ARHGAP26: variants seen among roughly 807,000 people sequenced by gnomAD.
ARHGAP26 encodes the protein rho GTPase-activating protein 26.
Under a neutral mutation model 104.8 loss-of-function variants are expected in ARHGAP26, and 38 were observed. The ratio of observed to expected loss-of-function variants is 0.36; its 90% CI spans 0.28 to 0.48. ARHGAP26 has a LOEUF of 0.48. ARHGAP26 is among the 20% of genes least tolerant of loss of function. The probability of loss-of-function intolerance (pLI) is 0.99; values close to 1 mark genes in which losing one functional copy is unlikely to be tolerated. For synonymous variants in ARHGAP26, 341 were observed against 340.0 expected, an observed-to-expected ratio of 1.00 and a Z score of -0.03; for missense variants, 704 against 947.9, an observed-to-expected ratio of 0.74 and a Z score of 3.38.
chr5:142,800,941 A>C (rs1378618885), intron 1 of ARHGAP26, among the ~76,000 whole-genome samples: 2 of 152,136 alleles, frequency 1.3e-5, no homozygotes, highest in East Asian at 3.9e-4. Flanking sequence ...AAACCTCCAC[A>C]TTGTATGACT....
chr5:142,986,720 T>C (rs1774793518), intron 11 of ARHGAP26, among the ~76,000 whole-genome samples: 3 of 152,234 alleles, frequency 2.0e-5, no homozygotes, highest in Admixed American at 6.5e-5. Flanking sequence ...GCTTTCTATA[T>C]ATGGCTAGCC....
intron 21 of ARHGAP26, among the ~76,000 whole-genome samples, chr5:143,213,227 C>T (rs1457967509): frequency 6.6e-6 from 1 of 152,168 alleles, no homozygotes; most frequent in Non-Finnish European, 1.5e-5. Flanking sequence ...TCTAAATGCT[C>T]CCCAGGTGTT....
chr5:142,828,053 T>C (rs1487730426), intron 1 of ARHGAP26, among the ~76,000 whole-genome samples: 1 of 152,246 alleles, frequency 6.6e-6, no homozygotes, highest in African/African-American at 2.4e-5. Flanking sequence ...TTACGCACGC[T>C]ATTCAGAGGG....
At position 142,995,830 on chromosome 5, in the gene ARHGAP26, C is replaced by T. The variant is rs140382439; in HGVS notation, c.1108-18250C>T. ...ATATACACCATGGAATACTATGCAG[C>T]CATAAAAAAGAATGCATTCATGTCC... On this transcript the variant is annotated intron_variant, in intron 11 of 22. Coordinates refer to ENST00000645722, the MANE Select transcript of ARHGAP26 (RefSeq NM_001135608.3). 1.3e-4 allele frequency among the ~76,000 whole-genome samples: 20 copies of T among 152,192 alleles called. No individual in the cohort carries two copies. The East Asian group carries it at 3.7e-3, about 28-fold the overall frequency.
intron 1 of ARHGAP26, among the ~76,000 whole-genome samples, chr5:142,829,276 G>A (rs1316421869): frequency 6.6e-6 from 1 of 152,190 alleles, no homozygotes; most frequent in Admixed American, 6.5e-5. Flanking sequence ...ATCTCAGCAT[G>A]ATTATTAACA....
chr5:142,794,695 G>A (rs778193141), intron 1 of ARHGAP26, among the ~76,000 whole-genome samples: 22 of 152,170 alleles, frequency 1.4e-4, no homozygotes, highest in Admixed American at 4.6e-4. Context: ...AGGCAGATAG[G>A]AGGGAGAGAG....
At chr5:142,860,498 C>G (rs929853071) in intron 1 of ARHGAP26, 1 of 152,186 alleles carries the variant, frequency 6.6e-6, no homozygotes, top group Non-Finnish European at 1.5e-5. Context: ...GCCTGGTTTC[C>G]GGATTGGTTT....
intron 1 of ARHGAP26, among the ~76,000 whole-genome samples, chr5:142,803,266 C>G (rs975814989): frequency 2.0e-5 from 3 of 151,902 alleles, no homozygotes; most frequent in Non-Finnish European, 2.9e-5. Context: ...TAAATATGTC[C>G]CAATATAATT....
At chr5:142,926,627 G>C (rs1208146251) in intron 10 of ARHGAP26, among the ~76,000 whole-genome samples, 1 of 152,084 alleles carries the variant, frequency 6.6e-6, no homozygotes, top group Non-Finnish European at 1.5e-5. Context: ...AAAGGAAATG[G>C]CCATTATGTC....
intron 17 of ARHGAP26, among the ~76,000 whole-genome samples, chr5:143,110,300 T>C (rs1794621065): frequency 6.6e-6 from 1 of 152,230 alleles, no homozygotes. Context: ...TGTTCACCAG[T>C]ATATCTCCAG....
In ARHGAP26 at chr5:142,901,920, C is replaced by A. The variant is rs376216546; in HGVS notation, c.598-15C>A. 1.9e-6 allele frequency: 3 copies of A among 1,610,682 alleles called. No individual in the cohort carries two copies. Among genetic ancestry groups the A allele is most frequent in the Non-Finnish European group, 2.5e-6 (3 of 1,177,224 alleles). ...ACCTGGTTATGTGACCTTTGCCTTTCTTCCTTCATTACAGCTGCTGGCCTT... is the reference window on the plus strand; with the variant it reads ...ACCTGGTTATGTGACCTTTGCCTTTATTCCTTCATTACAGCTGCTGGCCTT... On this transcript the variant is annotated splice_polypyrimidine_tract_variant and intron_variant, in intron 6 of 22. Transcript: ENST00000645722.
At chr5:143,041,997 G>GACAGC in intron 14 of ARHGAP26, 107 bp downstream of exon 14, 2 of 922,082 alleles carry the variant, frequency 2.2e-6, no homozygotes, top group Non-Finnish European at 3.4e-6. Context: ...GAATCGGGGT[G>GACAGC]TCCGTGAGCT....
At chr5:142,979,030 TG>T (rs1293228321) in intron 11 of ARHGAP26, among the ~76,000 whole-genome samples, 1 of 152,200 alleles carries the variant, frequency 6.6e-6, no homozygotes, top group Non-Finnish European at 1.5e-5. Context: ...GGACTTGGGT[TG>T]GGACTTGATT....
intron 18 of ARHGAP26, among the ~76,000 whole-genome samples, chr5:143,132,765 C>T (rs1220612123): frequency 6.6e-6 from 1 of 151,582 alleles, no homozygotes; most frequent in Non-Finnish European, 1.5e-5. Flanking sequence ...CTGTTAGACC[C>T]ATAGTGCCTA....
chr5:143,047,284 G>A (rs1002017435), intron 14 of ARHGAP26, among the ~76,000 whole-genome samples: 2 of 152,118 alleles, frequency 1.3e-5, no homozygotes, highest in East Asian at 1.9e-4. Flanking sequence ...CAGTTCCACC[G>A]CTTATTTCTT....
chr5:143,157,545 T>TA (rs1800642540), intron 20 of ARHGAP26, among the ~76,000 whole-genome samples: 1 of 152,206 alleles, frequency 6.6e-6, no homozygotes, highest in Non-Finnish European at 1.5e-5. Context: ...GGGCATCTCT[T>TA]ACGCTACATT....
intron 17 of ARHGAP26, among the ~76,000 whole-genome samples, chr5:143,100,344 T>C (rs1454622335): frequency 6.6e-6 from 1 of 152,150 alleles, no homozygotes; most frequent in Non-Finnish European, 1.5e-5. Flanking sequence ...GAATAATAAA[T>C]AAGAGCCAAA....
intron 17 of ARHGAP26, among the ~76,000 whole-genome samples, chr5:143,059,602 C>G (rs1349622960): frequency 6.6e-6 from 1 of 152,184 alleles, no homozygotes; most frequent in East Asian, 1.9e-4. Context: ...ATCCTTGTTA[C>G]TAACCTAAGA....
At chr5:142,989,041 A>C (rs577891639) in intron 11 of ARHGAP26, among the ~76,000 whole-genome samples, 3 of 152,244 alleles carry the variant, frequency 2.0e-5, no homozygotes, top group African/African-American at 7.2e-5. Flanking sequence ...ATTCCTGGAT[A>C]TCCTTTTTAA....
Sources: allele counts gnomAD v4.1 joint callset (sites outside exome capture counted in the v4.1 genomes callset), GRCh38; gene constraint gnomAD v4.1.1; transcripts MANE v1.5; gene names NCBI Gene and HGNC (gene_info 2026-07-23, HGNC 2026-07-21).